Variants in CSMD1 observed in about 807,000 individuals in gnomAD.
CSMD1 encodes the protein CUB and sushi domain-containing protein 1.
In CSMD1, 213 loss-of-function variants were observed where a neutral mutation model predicts 417.5. The ratio of observed to expected loss-of-function variants is 0.51; its 90% CI spans 0.46 to 0.57. The LOEUF is 0.57. Among genes scored for constraint, CSMD1 ranks in the 20% least tolerant of loss-of-function variants. The probability of loss-of-function intolerance (pLI) is 0.00; values close to 1 mark genes in which losing one functional copy is unlikely to be tolerated. For missense variants in CSMD1, 6,923 were observed against 4,529.7 expected, an observed-to-expected ratio of 1.53 and a Z score of -15.17; for synonymous variants, 2,862 against 1,736.8, an observed-to-expected ratio of 1.65 and a Z score of -16.11.
At chr8:3,317,245 C>T (rs1023196188) in intron 23 of CSMD1, among the ~76,000 whole-genome samples, 11 of 152,192 alleles carry the variant, frequency 7.2e-5, no homozygotes, top group Admixed American at 2.6e-4. Context: ...TCATTGATAA[C>T]ACCTGTTATG....
intron 3 of CSMD1, among the ~76,000 whole-genome samples, chr8:4,400,909 A>T (rs534306995): frequency 8.5e-5 from 13 of 152,186 alleles, no homozygotes; most frequent in African/African-American, 3.1e-4. Context: ...TGTATATTGC[A>T]ATGACTCAGT....
At chr8:3,598,604 T>A (rs1431749150) in intron 8 of CSMD1, among the ~76,000 whole-genome samples, 1 of 152,146 alleles carries the variant, frequency 6.6e-6, no homozygotes, top group Non-Finnish European at 1.5e-5. Context: ...CTTTTATTTG[T>A]CCTCATCCCA....
chr8:3,441,952 C>T (rs1417975809), intron 12 of CSMD1, among the ~76,000 whole-genome samples: 2 of 151,650 alleles, frequency 1.3e-5, no homozygotes, highest in Non-Finnish European at 2.9e-5. Context: ...GTGGTATTGC[C>T]CCGAAGACTT....
intron 3 of CSMD1, among the ~76,000 whole-genome samples, chr8:4,082,132 T>A (rs1800170556): frequency 6.6e-6 from 1 of 152,050 alleles, no homozygotes; most frequent in African/African-American, 2.4e-5. Context: ...ACATTAGGAA[T>A]AAAAGATGCA....
intron 1 of CSMD1, among the ~76,000 whole-genome samples, chr8:4,832,563 T>C (rs1314551725): frequency 6.6e-6 from 1 of 152,160 alleles, no homozygotes; most frequent in East Asian, 1.9e-4. Context: ...TTTACAGAAA[T>C]GATTGGTTGT....
intron 3 of CSMD1, among the ~76,000 whole-genome samples, chr8:4,319,740 C>G (rs10102283): frequency 0.44 from 66,642 of 151,428 alleles, 14,998 homozygotes; most frequent in Middle Eastern, 0.55. Context: ...TGAGACTTGC[C>G]GGGGGGCCAA....
intron 20 of CSMD1, among the ~76,000 whole-genome samples, chr8:3,365,308 T>A (rs1809483911): frequency 6.6e-6 from 1 of 152,200 alleles, no homozygotes; most frequent in African/African-American, 2.4e-5. Flanking sequence ...AAAGTCAGAT[T>A]AAGATAAATG....
In CSMD1 at chr8:3,241,196, G is replaced by A. The variant is rs1360993619; in HGVS notation, c.4154-10965C>T. ...GTTAAAGTGTCTCGGCCTAATAAGG[G>A]AACTGGGCAGGTGGGGATAACTAAA... On this transcript the variant is annotated intron_variant, in intron 26 of 69. Coordinates refer to ENST00000635120, the MANE Select transcript of CSMD1 (RefSeq NM_033225.6). 2.6e-5 allele frequency among the ~76,000 whole-genome samples: 4 copies of A among 151,708 alleles called. No homozygotes were observed. In the East Asian group the frequency reaches 7.7e-4, roughly 29 times the overall value.
chr8:4,318,960 A>G (rs1241920517), intron 3 of CSMD1, among the ~76,000 whole-genome samples: 7 of 152,206 alleles, frequency 4.6e-5, no homozygotes, highest in African/African-American at 1.2e-4. Context: ...AAATGAAAGC[A>G]CAATAATGAC....
intron 6 of CSMD1, among the ~76,000 whole-genome samples, chr8:3,727,453 C>G (rs568228930): frequency 1.3e-5 from 2 of 152,202 alleles, no homozygotes; most frequent in South Asian, 2.1e-4. Context: ...ATGAGGGTGA[C>G]CAATGTGTGC....
intron 6 of CSMD1, among the ~76,000 whole-genome samples, chr8:3,732,458 G>C (rs562030248): frequency 1.1e-3 from 165 of 152,144 alleles, no homozygotes; most frequent in Non-Finnish European, 1.9e-3. Flanking sequence ...CTTAGGAATA[G>C]TAATTTAACT....
At chr8:4,196,861 G>C (rs1799368440) in intron 3 of CSMD1, among the ~76,000 whole-genome samples, 1 of 152,118 alleles carries the variant, frequency 6.6e-6, no homozygotes, top group Non-Finnish European at 1.5e-5. Flanking sequence ...TGCCTTCATA[G>C]AAAACATATA....
At chr8:4,806,262 T>G (rs969800663) in intron 1 of CSMD1, among the ~76,000 whole-genome samples, 1 of 152,180 alleles carries the variant, frequency 6.6e-6, no homozygotes, top group Non-Finnish European at 1.5e-5. Flanking sequence ...AGTGTGCACA[T>G]GCTCGGAGAC....
intron 23 of CSMD1, among the ~76,000 whole-genome samples, chr8:3,332,554 C>T (rs561645454): frequency 2.0e-5 from 3 of 152,322 alleles, no homozygotes; most frequent in Admixed American, 6.5e-5. Flanking sequence ...TTGCAGACAA[C>T]AGATTAACTA....
intron 3 of CSMD1, among the ~76,000 whole-genome samples, chr8:4,311,016 T>C (rs1348072648): frequency 6.6e-6 from 1 of 152,196 alleles, no homozygotes; most frequent in African/African-American, 2.4e-5. Context: ...GTGGCAAGGA[T>C]GTGGAGAAAA....
chr8:4,181,957 C>CGTGTGT (rs146690880), intron 3 of CSMD1, among the ~76,000 whole-genome samples: 7,731 of 149,882 alleles, frequency 0.052, 225 homozygotes, highest in East Asian at 0.11. Flanking sequence ...TCTGTGTCTG[C>CGTGTGT]GTGTGTGTGT....
chr8:4,590,679 C>A (rs1166071421), intron 2 of CSMD1, among the ~76,000 whole-genome samples: 1 of 152,086 alleles, frequency 6.6e-6, no homozygotes, highest in Admixed American at 6.6e-5. Flanking sequence ...ACGATGAAAT[C>A]TTAAGAAAAT....
In CSMD1 at chr8:2,951,251, T is replaced by C. The variant is rs746576953; in HGVS notation, c.10064A>G (p.Asn3355Ser). 1.9e-6 allele frequency: 3 copies of C among 1,605,888 alleles called. No individual in the cohort carries two copies. The highest frequency in any genetic ancestry group is 2.2e-5 in the East Asian group (1 of 44,656). Residue 3355 changes from asparagine to serine, a missense_variant, in exon 66 of 70, where the codon AAT becomes AGT. Asn to Ser is a conservative substitution (Grantham distance 46). Transcript: ENST00000635120. ...TPVPSDVFFV[N>S]SLWKGYYEYL... Reference sequence around the variant, plus strand: ...TTCATAATACCCCTTCCACAGTGAATTGACGAAAAAGACATCTGAAGGAAC... The same window carrying C: ...TTCATAATACCCCTTCCACAGTGAACTGACGAAAAAGACATCTGAAGGAAC...
At chr8:4,010,515 C>T (rs1447649959) in intron 4 of CSMD1, among the ~76,000 whole-genome samples, 1 of 152,120 alleles carries the variant, frequency 6.6e-6, no homozygotes, top group Non-Finnish European at 1.5e-5. Context: ...CTCAGCCATG[C>T]CATCACCATT....
Sources: allele counts gnomAD v4.1 joint callset (sites outside exome capture counted in the v4.1 genomes callset), GRCh38; gene constraint gnomAD v4.1.1; transcripts MANE v1.5; gene names NCBI Gene and HGNC (gene_info 2026-07-23, HGNC 2026-07-21).